TMEM132B: variants seen among roughly 807,000 people sequenced by gnomAD.
TMEM132B encodes transmembrane protein 132B.
TMEM132B carries 18 observed loss-of-function variants against 90.8 expected under a neutral mutation model. That is an observed-to-expected ratio of 0.20 (90% CI 0.14 to 0.29). TMEM132B has a LOEUF of 0.29. Among genes scored for constraint, TMEM132B ranks in the 10% least tolerant of loss-of-function variants. TMEM132B has a pLI of 1.00. For synonymous variants in TMEM132B, 504 were observed against 523.3 expected (o/e 0.96, Z 0.50); for missense variants, 1,096 against 1,326.8 (o/e 0.83, Z 2.70).
intron 2 of TMEM132B, among the ~76,000 whole-genome samples, chr12:125,374,639 C>T (rs552392620): frequency 5.5e-4 from 83 of 151,864 alleles, no homozygotes; most frequent in African/African-American, 1.8e-3. Context: ...CTGCACCCCC[C>T]GACCCCGCCC....
At chr12:125,568,424 A>G (rs1884712321) in intron 4 of TMEM132B, among the ~76,000 whole-genome samples, 2 of 152,210 alleles carry the variant, frequency 1.3e-5, no homozygotes, top group African/African-American at 4.8e-5. Flanking sequence ...ATGAATCTTC[A>G]GCCACTCCCC....
chr12:125,268,380 C>T (rs540961203), intron 1 of TMEM132B, among the ~76,000 whole-genome samples: 1 of 152,306 alleles, frequency 6.6e-6, no homozygotes, highest in East Asian at 1.9e-4. Context: ...TTCACTGCAA[C>T]CCTGCAGTAG....
chr12:125,264,693 A>G (rs4765237), intron 1 of TMEM132B, among the ~76,000 whole-genome samples: 54,628 of 152,116 alleles, frequency 0.36, 10,279 homozygotes, highest in Middle Eastern at 0.45. Flanking sequence ...GTTCCCTGCA[A>G]TAAAATGACA....
chr12:125,644,678 G>T (rs991753433), intron 6 of TMEM132B, among the ~76,000 whole-genome samples: 1 of 151,934 alleles, frequency 6.6e-6, no homozygotes, highest in African/African-American at 2.4e-5. Flanking sequence ...TTCCTCCATG[G>T]AGCACAGTAC....
At chr12:125,412,584 G>T (rs1158655368) in intron 2 of TMEM132B, among the ~76,000 whole-genome samples, 1 of 152,208 alleles carries the variant, frequency 6.6e-6, no homozygotes, top group African/African-American at 2.4e-5. Context: ...GGGAGGGTCT[G>T]ATTTGTTCAT....
At chr12:125,225,012 T>C (rs1401334443) in intron 1 of TMEM132B, among the ~76,000 whole-genome samples, 1 of 152,232 alleles carries the variant, frequency 6.6e-6, no homozygotes, top group African/African-American at 2.4e-5. Context: ...CCTCATCCTT[T>C]CTGGTGGAGG....
At chr12:125,544,174 G>A (rs543174139) in intron 4 of TMEM132B, among the ~76,000 whole-genome samples, 2 of 152,260 alleles carry the variant, frequency 1.3e-5, no homozygotes, top group South Asian at 2.1e-4. Flanking sequence ...GGGAACAACA[G>A]ACACTGGGCC....
intron 3 of TMEM132B, among the ~76,000 whole-genome samples, chr12:125,506,870 A>G (rs919393322): frequency 2.0e-5 from 3 of 152,252 alleles, no homozygotes; most frequent in African/African-American, 7.2e-5. Context: ...TGTTCAATAA[A>G]GAGAAGATTG....
intron 1 of TMEM132B, among the ~76,000 whole-genome samples, chr12:125,202,506 C>G (rs1329643032): frequency 6.6e-6 from 1 of 152,224 alleles, no homozygotes; most frequent in African/African-American, 2.4e-5. Context: ...TGGTAGGATT[C>G]CGTTTTTGTG....
intron 1 of TMEM132B, among the ~76,000 whole-genome samples, chr12:125,270,374 A>G (rs1874808115): frequency 6.6e-6 from 1 of 152,204 alleles, no homozygotes; most frequent in African/African-American, 2.4e-5. Flanking sequence ...AAGAAGTTGC[A>G]TGTAGTACCC....
At chr12:125,418,347 T>A (rs527843261) in intron 3 of TMEM132B, among the ~76,000 whole-genome samples, 1 of 152,264 alleles carries the variant, frequency 6.6e-6, no homozygotes, top group Non-Finnish European at 1.5e-5. Flanking sequence ...CATTGTCTCA[T>A]AAAGGAGAAA....
intron 2 of TMEM132B, among the ~76,000 whole-genome samples, chr12:125,357,022 A>G (rs1877796977): frequency 6.6e-6 from 1 of 152,204 alleles, no homozygotes. Context: ...TGTATTTTTG[A>G]TGTATCTTGA....
At chr12:125,555,565 G>C (rs190434253) in intron 4 of TMEM132B, among the ~76,000 whole-genome samples, 11 of 113,892 alleles carry the variant, frequency 9.7e-5, no homozygotes, top group East Asian at 6.0e-4. Context: ...GGCCTGTTGT[G>C]GGGTGGGGGG....
At chr12:125,380,061 C>A (rs1052736187) in intron 2 of TMEM132B, among the ~76,000 whole-genome samples, 2 of 152,188 alleles carry the variant, frequency 1.3e-5, no homozygotes, top group Non-Finnish European at 2.9e-5. Context: ...CTAGGGCTTT[C>A]ATAACAAATT....
chr12:125,457,658 A>C (rs1166087343), intron 3 of TMEM132B, among the ~76,000 whole-genome samples: 1 of 152,180 alleles, frequency 6.6e-6, no homozygotes, highest in Non-Finnish European at 1.5e-5. Flanking sequence ...ACAGGATCCT[A>C]CAGGTGACGG....
At chr12:125,506,961 C>T (rs964174620) in intron 3 of TMEM132B, among the ~76,000 whole-genome samples, 1 of 152,248 alleles carries the variant, frequency 6.6e-6, no homozygotes, top group African/African-American at 2.4e-5. Context: ...CATATCATGG[C>T]TTTGCCATTC....
At position 125,277,504 on chromosome 12, in the gene TMEM132B, C is replaced by G. The variant is rs1261149599; in HGVS notation, c.68-71948C>G. 6.8e-6 allele frequency among the ~76,000 whole-genome samples: 1 copy of G among 146,350 alleles called. No individual in the cohort carries two copies. Among genetic ancestry groups the G allele is most frequent in the Admixed American group, 6.8e-5 (1 of 14,646 alleles). On this transcript the variant is annotated intron_variant, in intron 1 of 8. Coordinates refer to ENST00000682704, the MANE Select transcript of TMEM132B (RefSeq NM_001366854.1). The surrounding 1 kb of genome is among the most constrained non-coding windows in gnomAD (Gnocchi z 4.3). ...AAAAAAAAAAGATGAAGAGGGAGAA[C>G]ACACACACACACACACACACACACA...
At chr12:125,541,722 C>T (rs150508570) in intron 4 of TMEM132B, among the ~76,000 whole-genome samples, 39 of 151,764 alleles carry the variant, frequency 2.6e-4, no homozygotes, top group African/African-American at 8.5e-4. Flanking sequence ...GTGAGTCCAC[C>T]GAGACCTGGT....
chr12:125,388,810 A>C (rs895536164), intron 2 of TMEM132B, among the ~76,000 whole-genome samples: 1 of 152,322 alleles, frequency 6.6e-6, no homozygotes, highest in South Asian at 2.1e-4. Context: ...ACACATGTGG[A>C]TATTGTTTCT....
Sources: allele counts gnomAD v4.1 joint callset (sites outside exome capture counted in the v4.1 genomes callset), GRCh38; gene constraint gnomAD v4.1.1; non-coding constraint Gnocchi (gnomAD v3.1); transcripts MANE v1.5; gene names NCBI Gene and HGNC (gene_info 2026-07-23, HGNC 2026-07-21).